HYLS1: variants seen among roughly 807,000 people sequenced by gnomAD.
HYLS1 encodes the protein HYLS1 centriolar and ciliogenesis associated.
HYLS1 carries 25 observed loss-of-function variants against 29.4 expected under a neutral mutation model. The observed-to-expected ratio is 0.85, with a 90% confidence interval of 0.62 to 1.19. HYLS1 has a LOEUF of 1.19. HYLS1 is among the 50% of genes most tolerant of loss of function. HYLS1 has a pLI of 0.00. For missense variants in HYLS1, 352 were observed against 365.1 expected, an observed-to-expected ratio of 0.96 and a Z score of 0.29; for synonymous variants, 128 against 126.7, an observed-to-expected ratio of 1.01 and a Z score of -0.07.
chr11:125,899,916 A>T lies in HYLS1; in HGVS notation c.548A>T (p.Glu183Val), dbSNP rs1268200993. ...QREGMGSPAY[E>V]QDLIVASRPK... is the part of the protein sequence containing the mutation. ...GAAGGAATGGGCTCTCCAGCTTACG[A>T]ACAAGACCTGATTGTTGCCAGCAGA... The change falls in exon 3 of 3, where the codon GAA becomes GTA. Residue 183 changes from glutamate to valine, a missense_variant. By Grantham distance (121) the Glu-to-Val change is moderately radical (BLOSUM62 -2). Transcript: ENST00000425380. The T allele has an allele frequency of 6.2e-7, 1 of 1,614,090 alleles. No homozygotes were observed. The highest frequency in any genetic ancestry group is 2.2e-5 in the East Asian group (1 of 44,886).
In HYLS1 at chr11:125,899,522, A is replaced by G. The variant is rs1944694272; in HGVS notation, c.154A>G (p.Ser52Gly). ...EAQSIQYDPY[S>G]KASVAPGKRP... is the part of the protein sequence containing the mutation. ...CCAATCTATCCAATATGATCCCTAC[A>G]GTAAAGCTTCAGTAGCCCCAGGGAA... Residue 52 changes from serine (S) to glycine (G), a missense_variant, in exon 3 of 3, where the codon AGT (serine) becomes GGT (glycine). Physicochemically the swap from Ser to Gly is moderately conservative, Grantham distance 56 (BLOSUM62 0). Coordinates refer to ENST00000425380, the MANE Select transcript of HYLS1 (RefSeq NM_001134793.2). The G allele has an allele frequency of 6.2e-7, 1 of 1,614,200 alleles. No homozygotes were observed. Among genetic ancestry groups the G allele is most frequent in the Admixed American group, 1.7e-5 (1 of 60,030 alleles).
rs756051351 is a variant in HYLS1, at chr11:125,900,293, A to G, written c.*25A>G. 3 of 1,606,302 alleles carry G rather than the reference A, an allele frequency of 1.9e-6. No homozygotes were observed. The highest frequency in any genetic ancestry group is 2.6e-6 in the Non-Finnish European group (3 of 1,173,318). On this transcript the variant is annotated 3_prime_UTR_variant, in exon 3 of 3. Coordinates refer to ENST00000425380, the MANE Select transcript of HYLS1 (RefSeq NM_001134793.2). ...AATCTTTTTAAACTTCTTTCACAGG[A>G]TTGTTTGAGATAACCTAGCTCTTTA...
intron 2 of HYLS1, among the ~76,000 whole-genome samples, chr11:125,897,536 A>ATT (rs1491027583): frequency 7.3e-6 from 1 of 136,598 alleles, no homozygotes; most frequent in African/African-American, 2.6e-5. Context: ...AAAAAAAAAA[A>ATT]TCCAGCAACC....
upstream of HYLS1, among the ~76,000 whole-genome samples, chr11:125,884,266 G>C (rs1429949875): frequency 2.0e-5 from 3 of 152,194 alleles, no homozygotes. Flanking sequence ...ATTGAACTCT[G>C]GATATCTGAT....
At chr11:125,885,753 C>G (rs657204), upstream of HYLS1, among the ~76,000 whole-genome samples, 146,361 of 152,366 alleles carry the variant, frequency 0.96, 70,337 homozygotes, top group East Asian at 1. Flanking sequence ...TCATCTGTTT[C>G]TACAGCCACT....
Position 125,899,707 on chromosome 11 carries a change from G to A in HYLS1, c.339G>A (p.Ser113=), listed in dbSNP as rs758782216. Residue 113 remains serine (S), a synonymous_variant, in exon 3 of 3, where the codon TCG becomes TCA. Transcript: ENST00000425380. ...PDGEVLVTDE[S]IISESESGTE... is the part of the protein sequence containing the mutation. ...GGGAAGTATTAGTAACAGATGAGTC[G>A]ATTATCAGTGAATCAGAATCTGGTA... 3.1e-6 allele frequency: 5 copies of A among 1,614,146 alleles called. No homozygotes were observed. The highest frequency in any genetic ancestry group is 2.2e-5 in the East Asian group (1 of 44,896).
At position 125,900,341 on chromosome 11, in the gene HYLS1, C is replaced by G. The variant is rs946520361; in HGVS notation, c.*73C>G. Reference sequence around the variant, plus strand: ...TTATATCTTCCCTTTTAAATAGAAACAACTGTCTTGAGAAGCTCTTCGAAA... The same window carrying G: ...TTATATCTTCCCTTTTAAATAGAAAGAACTGTCTTGAGAAGCTCTTCGAAA... On this transcript the variant is annotated 3_prime_UTR_variant, in exon 3 of 3. Transcript: ENST00000425380. 4.2e-6 allele frequency: 6 copies of G among 1,444,664 alleles called. No homozygotes were observed. Among genetic ancestry groups the G allele is most frequent in the Non-Finnish European group, 5.8e-6 (6 of 1,030,436 alleles). The allele number at this position is 1,444,664 out of a possible 1,614,324, so 89.5% of individuals were successfully genotyped here. A position where few individuals can be genotyped will look rare whatever the true frequency, so the allele number is the denominator to read the frequency against.
chr11:125,890,410 A>G (rs1944389510), intron 1 of HYLS1, among the ~76,000 whole-genome samples: 1 of 152,020 alleles, frequency 6.6e-6, no homozygotes, highest in African/African-American at 2.4e-5. Flanking sequence ...TCATTATGGT[A>G]TTGTTTGCCT....
chr11:125,886,123 T>C (rs554177458), upstream of HYLS1, among the ~76,000 whole-genome samples: 1 of 152,314 alleles, frequency 6.6e-6, no homozygotes, highest in South Asian at 2.1e-4. Context: ...TTGTCTTCCA[T>C]GAAACCTGTC....
chr11:125,886,152 G>A (rs1944300756), upstream of HYLS1, among the ~76,000 whole-genome samples: 1 of 152,146 alleles, frequency 6.6e-6, no homozygotes, highest in South Asian at 2.1e-4. Flanking sequence ...CAAAAAGGTT[G>A]GGACCGCTGC....
At chr11:125,895,983 C>T (rs942694498) in intron 2 of HYLS1, 9 of 1,614,020 alleles carry the variant, frequency 5.6e-6, no homozygotes, top group East Asian at 2.2e-5. Context: ...TTCTACTAGT[C>T]GAGTCTTGGT....
chr11:125,884,539 G>A (rs1220928276), upstream of HYLS1, among the ~76,000 whole-genome samples: 1 of 152,260 alleles, frequency 6.6e-6, no homozygotes, highest in East Asian at 1.9e-4. Context: ...AACCCGGGAG[G>A]TGGAGCTTGC....
At chr11:125,885,883 C>G (rs7126505), upstream of HYLS1, among the ~76,000 whole-genome samples, 302 of 152,170 alleles carry the variant, frequency 2.0e-3, 3 homozygotes, top group African/African-American at 7.1e-3. Flanking sequence ...GTTGCATGCT[C>G]CTTATGAGAA....
chr11:125,897,537 T>C (rs1477263812), intron 2 of HYLS1, among the ~76,000 whole-genome samples: 1 of 133,028 alleles, frequency 7.5e-6, no homozygotes, highest in Non-Finnish European at 1.6e-5. Context: ...AAAAAAAAAA[T>C]CCAGCAACCT....
chr11:125,896,965 T>G lies in HYLS1; in HGVS notation c.-25-2379T>G, dbSNP rs367685614. On this transcript the variant is annotated intron_variant, in intron 2 of 2. Transcript: ENST00000425380. ...AAGATAATTAAGCACTCTGACCCCT[T>G]TCTAAAGCTGAATTAAATGCATATT... 5.9e-5 allele frequency among the ~76,000 whole-genome samples: 9 copies of G among 152,338 alleles called. No individual in the cohort carries two copies. In the South Asian group the frequency reaches 1.9e-3, roughly 32 times the overall value.
chr11:125,890,974 C>T (rs1171735040), intron 1 of HYLS1, among the ~76,000 whole-genome samples: 1 of 151,758 alleles, frequency 6.6e-6, no homozygotes, highest in Admixed American at 6.6e-5. Flanking sequence ...CAAAAATCCT[C>T]CTAGCCCAGA....
intron 2 of HYLS1, chr11:125,895,211 A>AT (rs1388172937): frequency 6.5e-7 from 1 of 1,541,124 alleles, no homozygotes; most frequent in Admixed American, 2.1e-5. Context: ...TTTATTTTTT[A>AT]TTTTTAACTC....
At chr11:125,893,496 T>G in intron 2 of HYLS1, 1 of 252,086 alleles carries the variant, frequency 4.0e-6, no homozygotes, top group Non-Finnish European at 7.5e-6. Flanking sequence ...ACTTGCAGGA[T>G]TAGGCTTTAA....
Position 125,899,783 on chromosome 11 carries a change from C to T in HYLS1, c.415C>T (p.Gln139Ter), listed in dbSNP as rs1186126023. 1.2e-6 allele frequency: 2 copies of T among 1,614,012 alleles called. No homozygotes were observed. Among genetic ancestry groups the T allele is most frequent in the Non-Finnish European group, 1.7e-6 (2 of 1,179,998 alleles). The stretch of plus-strand genomic sequence containing the variant: ...CTTAAGACAAAGGCTGATGAATGTA[C>T]AGTTCCAGGAAGACAAGGAATCTTC... ...WDLRQRLMNVQFQEDKESSFD... is the reference protein window; with the variant it reads ...WDLRQRLMNV The change falls in exon 3 of 3, where the codon CAG (glutamine) becomes TAG (stop). Residue 139 changes from glutamine to a stop codon, truncating the protein, a stop_gained. Transcript: ENST00000425380. LOFTEE classifies it high-confidence loss of function.
Sources: allele counts gnomAD v4.1 joint callset (sites outside exome capture counted in the v4.1 genomes callset), GRCh38; gene constraint gnomAD v4.1.1; transcripts MANE v1.5; gene names NCBI Gene and HGNC (gene_info 2026-07-23, HGNC 2026-07-21).